The following PIK3CA variants were observed in gnomAD, a reference collection of about 807,000 sequenced individuals.
PIK3CA encodes the protein phosphatidylinositol 4,5-bisphosphate 3-kinase catalytic subunit alpha isoform.
Under a neutral mutation model 138.2 loss-of-function variants are expected in PIK3CA, and 27 were observed. The ratio of observed to expected loss-of-function variants is 0.20; its 90% CI spans 0.14 to 0.27. The LOEUF (loss-of-function observed/expected upper bound fraction) is 0.27, where lower values mean the gene tolerates loss of function less well. Ranked by LOEUF, PIK3CA falls within the 10% of genes least tolerant of loss-of-function variation. The pLI, the probability that PIK3CA is intolerant of heterozygous loss-of-function variation, is 1.00. For synonymous variants in PIK3CA, 358 were observed against 413.2 expected (o/e 0.87, Z 1.62); for missense variants, 544 against 1,277.4 (o/e 0.43, Z 8.75).
chr3:179,193,372 A>G (rs571268224), intron 1 of PIK3CA, among the ~76,000 whole-genome samples: 170 of 152,332 alleles, frequency 1.1e-3, no homozygotes, highest in African/African-American at 4.0e-3. Context: ...TCACATGTCA[A>G]TGCTGACTAG....
At chr3:179,154,809 T>G (rs192507282) in intron 1 of PIK3CA, among the ~76,000 whole-genome samples, 267 of 152,366 alleles carry the variant, frequency 1.8e-3, no homozygotes, top group Non-Finnish European at 3.6e-3. Flanking sequence ...TACTCATTTC[T>G]CAAGCATCAC....
intron 1 of PIK3CA, among the ~76,000 whole-genome samples, chr3:179,194,705 C>T (rs1724220735): frequency 6.6e-6 from 1 of 152,174 alleles, no homozygotes; most frequent in Non-Finnish European, 1.5e-5. Flanking sequence ...CTTTCATGGT[C>T]TGACTTTATA....
At chr3:179,209,880 T>C (rs1007693776) in intron 7 of PIK3CA, among the ~76,000 whole-genome samples, 180 bp downstream of exon 7, 1 of 152,168 alleles carries the variant, frequency 6.6e-6, no homozygotes, top group Non-Finnish European at 1.5e-5. Flanking sequence ...CAGGAATTTA[T>C]GATGAATATG....
intron 9 of PIK3CA, among the ~76,000 whole-genome samples, chr3:179,211,704 T>G (rs1307362737): frequency 6.6e-6 from 1 of 152,150 alleles, no homozygotes; most frequent in African/African-American, 2.4e-5. Flanking sequence ...GTAATGCTGA[T>G]CATCTCTACA....
chr3:179,210,148 TA>T (rs2108400007), intron 7 of PIK3CA, 37 bp from the exon 8 acceptor site: 1 of 1,471,720 alleles, frequency 6.8e-7, no homozygotes, highest in Middle Eastern at 1.7e-4. Flanking sequence ...ATGTGTTTTA[TA>T]ATTTAGACTA....
intron 4 of PIK3CA, among the ~76,000 whole-genome samples, chr3:179,202,924 TATCCTGTG>T (rs1167173647): frequency 6.6e-6 from 1 of 150,948 alleles, no homozygotes; most frequent in Non-Finnish European, 1.5e-5. Context: ...TCATAATGAG[TATCCTGTG>T]ATCCTTGTTT....
intron 1 of PIK3CA, chr3:179,149,614 C>T (rs894399424): frequency 1.3e-5 from 2 of 152,242 alleles, no homozygotes; most frequent in African/African-American, 4.8e-5. Flanking sequence ...GAAGCTTCCT[C>T]ATTCCAGCAC....
intron 1 of PIK3CA, among the ~76,000 whole-genome samples, chr3:179,157,779 A>G (rs1489064978): frequency 6.6e-6 from 1 of 152,116 alleles, no homozygotes; most frequent in Non-Finnish European, 1.5e-5. Context: ...AATATATCTC[A>G]TAATGATTAA....
Position 179,166,608 on chromosome 3 carries a change from T to C in PIK3CA, c.-77+18005T>C, listed in dbSNP as rs138583225. Among the ~76,000 whole-genome samples, 46 of 152,356 alleles carry C rather than the reference T, an allele frequency of 3.0e-4. 2 individuals carry two copies. In the East Asian group the frequency reaches 7.9e-3, roughly 26 times the overall value. On this transcript the variant is annotated intron_variant, in intron 1 of 20. Transcript: ENST00000263967. ...TATTTCTCTTGCAGAAAGCATGTTA[T>C]AGTGCCTTATGGGATGTCTACAAAT...
At chr3:179,206,583 A>G (rs1359461139) in intron 6 of PIK3CA, among the ~76,000 whole-genome samples, 1 of 152,226 alleles carries the variant, frequency 6.6e-6, no homozygotes, top group Non-Finnish European at 1.5e-5. Context: ...GAATTATCCT[A>G]GCTAGCTGTT....
intron 1 of PIK3CA, among the ~76,000 whole-genome samples, chr3:179,191,768 C>G (rs1196884591): frequency 6.6e-6 from 1 of 152,092 alleles, no homozygotes; most frequent in East Asian, 1.9e-4. Flanking sequence ...TCCCAAGTAG[C>G]TGGGATTACA....
chr3:179,205,495 GAAGT>G (rs1724537229), intron 6 of PIK3CA, among the ~76,000 whole-genome samples: 1 of 152,190 alleles, frequency 6.6e-6, no homozygotes, highest in South Asian at 2.1e-4. Context: ...ACATGAAGGA[GAAGT>G]AAGAGTTGGC....
chr3:179,170,138 G>T (rs79847525), intron 1 of PIK3CA, among the ~76,000 whole-genome samples: 2 of 151,706 alleles, frequency 1.3e-5, no homozygotes, highest in South Asian at 2.1e-4. Context: ...ATTCTTTGAC[G>T]TACTAAGTAA....
rs138047619 is a variant in PIK3CA, at chr3:179,173,138, G to A, written c.-77+24535G>A. ...TCTTTTTATTGAACATTTTTGCTTT[G>A]TATATTATATGTTACCTTATTTGTT... On this transcript the variant is annotated intron_variant, in intron 1 of 20. Coordinates refer to ENST00000263967, the MANE Select transcript of PIK3CA (RefSeq NM_006218.4). Among the ~76,000 whole-genome samples the A allele has an allele frequency of 2.4e-4, 36 of 151,552 alleles. No individual in the cohort carries two copies. In the East Asian group the frequency reaches 6.9e-3, roughly 29 times the overall value.
At chr3:179,222,639 C>T (rs1238345141) in intron 14 of PIK3CA, among the ~76,000 whole-genome samples, 1 of 152,166 alleles carries the variant, frequency 6.6e-6, no homozygotes, top group Non-Finnish European at 1.5e-5. Context: ...ACGCTGTAGA[C>T]TATTGGTCGT....
At chr3:179,177,158 G>A (rs573687088) in intron 1 of PIK3CA, among the ~76,000 whole-genome samples, 4 of 152,052 alleles carry the variant, frequency 2.6e-5, no homozygotes, top group South Asian at 2.1e-4. Context: ...GCCCTTTGTC[G>A]TATGTGTTGC....
In PIK3CA at chr3:179,201,543, G is replaced by T. The variant is rs779669301; in HGVS notation, c.813+3G>T. 1 of 1,543,888 alleles carries T rather than the reference G, an allele frequency of 6.5e-7. No homozygotes were observed. The highest frequency in any genetic ancestry group is 8.8e-7 in the Non-Finnish European group (1 of 1,137,300). On this transcript the variant is annotated splice_donor_region_variant and intron_variant, in intron 4 of 20. Transcript: ENST00000263967. Reference sequence around the variant, plus strand: ...AATATCCTCTGAGTCAGTATAAGGTGAGTAACAAGTTTCAAAATATTAATT... The same window carrying T: ...AATATCCTCTGAGTCAGTATAAGGTTAGTAACAAGTTTCAAAATATTAATT...
chr3:179,233,242 T>G (rs1016088463), intron 20 of PIK3CA: 23 of 397,912 alleles, frequency 5.8e-5, no homozygotes, highest in Middle Eastern at 6.2e-4. Context: ...TTTGACTTCC[T>G]CTTTTCCAAT....
chr3:179,232,855 G>T (rs1252705533), intron 20 of PIK3CA, among the ~76,000 whole-genome samples: 1 of 151,714 alleles, frequency 6.6e-6, no homozygotes. Context: ...AAATCTAGGA[G>T]TCTTTTTTTT....
Sources: allele counts gnomAD v4.1 joint callset (sites outside exome capture counted in the v4.1 genomes callset), GRCh38; gene constraint gnomAD v4.1.1; transcripts MANE v1.5; gene names NCBI Gene and HGNC (gene_info 2026-07-23, HGNC 2026-07-21).